JCAD: variants seen among roughly 807,000 people sequenced by gnomAD.
JCAD encodes junctional cadherin 5 associated.
In JCAD, 40 loss-of-function variants were observed where a neutral mutation model predicts 98.0. That is an observed-to-expected ratio of 0.41 (90% confidence interval 0.32 to 0.53). The LOEUF (loss-of-function observed/expected upper bound fraction) is 0.53. Among genes scored for constraint, JCAD ranks in the 20% least tolerant of loss-of-function variants. The probability of loss-of-function intolerance (pLI) is 0.31; values close to 1 mark genes in which losing one functional copy is unlikely to be tolerated. For missense variants in JCAD, 1,705 were observed against 1,738.1 expected, an observed-to-expected ratio of 0.98 and a Z score of 0.34; for synonymous variants, 691 against 682.3, an observed-to-expected ratio of 1.01 and a Z score of -0.20.
At chr10:30,081,492 C>T (rs966680976) in intron 1 of JCAD, among the ~76,000 whole-genome samples, 40 of 152,264 alleles carry the variant, frequency 2.6e-4, no homozygotes, top group African/African-American at 8.7e-4. Context: ...AGTGCAGTGG[C>T]GTGATCTATG....
At chr10:30,110,269 C>A (rs1007021269) in intron 1 of JCAD, among the ~76,000 whole-genome samples, 2 of 151,700 alleles carry the variant, frequency 1.3e-5, no homozygotes, top group African/African-American at 4.8e-5. Context: ...AGGTATGGGC[C>A]AGCTGATGTA....
At chr10:30,076,356 G>A (rs1431451681) in intron 1 of JCAD, among the ~76,000 whole-genome samples, 15 of 152,118 alleles carry the variant, frequency 9.9e-5, no homozygotes, top group Admixed American at 8.5e-4. Context: ...TTTAGTACCC[G>A]TACAGAAATC....
intron 1 of JCAD, among the ~76,000 whole-genome samples, chr10:30,090,270 G>A (rs1334684015): frequency 1.3e-5 from 2 of 152,184 alleles, no homozygotes; most frequent in African/African-American, 2.4e-5. Context: ...GGCCAGTTGC[G>A]GAGGCTCACG....
At chr10:30,023,471 G>C (rs1161029571) in intron 3 of JCAD, among the ~76,000 whole-genome samples, 4 of 152,188 alleles carry the variant, frequency 2.6e-5, no homozygotes, top group Non-Finnish European at 4.4e-5. Context: ...TGAAGACTAG[G>C]TGTGTAGTAG....
chr10:30,056,963 A>G (rs1437113015), intron 1 of JCAD, among the ~76,000 whole-genome samples: 2 of 152,198 alleles, frequency 1.3e-5, no homozygotes, highest in African/African-American at 4.8e-5. Flanking sequence ...CCCTTGAAAC[A>G]AAGCACAAGA....
chr10:30,064,860 C>T (rs569375299), intron 2 of JCAD, among the ~76,000 whole-genome samples: 2 of 152,088 alleles, frequency 1.3e-5, no homozygotes, highest in African/African-American at 2.4e-5. Context: ...TTAGTAAAGA[C>T]GGGGTTTCAC....
In JCAD at chr10:30,026,810, T is replaced by A; in HGVS notation, c.3338A>T (p.Glu1113Val). 1 of 1,614,040 alleles carries A rather than the reference T, an allele frequency of 6.2e-7. No individual in the cohort carries two copies. Among genetic ancestry groups the A allele is most frequent in the Non-Finnish European group, 8.5e-7 (1 of 1,180,030 alleles). ...TGGGGTGCAGGCACTTGCATCGGGC[T>A]CAGCAGGCTGGTTCTGTCCCGCTCT... Reference protein sequence around the residue: ...IRRAGQNQPAEPDASACTPES... With the variant: ...IRRAGQNQPAVPDASACTPES... Residue 1113 changes from glutamate (E) to valine (V), a missense_variant, in exon 3 of 4, where the codon GAG (glutamate) becomes GTG (valine). This residue lies in a region of JCAD where 1,278 missense variants were observed against 1,243.1 expected (regional missense o/e 1.03). Coordinates refer to ENST00000375377, the MANE Select transcript of JCAD (RefSeq NM_020848.4).
rs1406224299 is a variant in JCAD at position 30,013,150 on chromosome 10, A to G, written c.*4733T>C. On this transcript the variant is annotated 3_prime_UTR_variant, in exon 4 of 4. Coordinates refer to ENST00000375377, the MANE Select transcript of JCAD (RefSeq NM_020848.4). ...CCCAAAGAAAAAATGAAGAGATGAA[A>G]GTTTCTGTGGTTAGCTGGGCATGGT... 2.0e-5 allele frequency: 3 copies of G among 152,112 alleles called. No individual in the cohort carries two copies. The highest frequency in any genetic ancestry group is 7.2e-5 in the African/African-American group (3 of 41,392). The allele number at this position is 152,112 out of a possible 1,614,324, so 9.4% of individuals were successfully genotyped here. A position where few individuals can be genotyped will look rare whatever the true frequency, so the allele number is the denominator to read the frequency against.
chr10:30,086,803 A>T (rs1447084930), intron 1 of JCAD, among the ~76,000 whole-genome samples: 3 of 152,270 alleles, frequency 2.0e-5, no homozygotes, highest in Non-Finnish European at 2.9e-5. Flanking sequence ...TAAATAAAGA[A>T]GTTAGATCAG....
intron 1 of JCAD, among the ~76,000 whole-genome samples, chr10:30,090,567 G>T (rs1270584179): frequency 1.3e-5 from 2 of 150,684 alleles, no homozygotes; most frequent in Non-Finnish European, 1.5e-5. Flanking sequence ...GGAGAGGAGA[G>T]GGGAGGGGAG....
chr10:30,039,835 G>A (rs923718722), intron 2 of JCAD, among the ~76,000 whole-genome samples: 2 of 151,808 alleles, frequency 1.3e-5, no homozygotes, highest in Non-Finnish European at 2.9e-5. Context: ...TGTCGGCAGC[G>A]TCCTTAACTG....
chr10:30,087,747 A>G (rs1447347021), intron 1 of JCAD, among the ~76,000 whole-genome samples: 1 of 152,262 alleles, frequency 6.6e-6, no homozygotes, highest in Non-Finnish European at 1.5e-5. Flanking sequence ...GAATGTGGGA[A>G]GAGAAAAAGC....
chr10:30,037,795 G>C (rs995019828), intron 2 of JCAD, among the ~76,000 whole-genome samples: 1 of 152,166 alleles, frequency 6.6e-6, no homozygotes, highest in African/African-American at 2.4e-5. Flanking sequence ...AGGAAATTAA[G>C]TAGGAGGCAT....
chr10:30,043,043 T>A (rs528462233), intron 2 of JCAD, among the ~76,000 whole-genome samples: 233 of 152,366 alleles, frequency 1.5e-3, no homozygotes, highest in African/African-American at 5.2e-3. Flanking sequence ...AAACTATGTA[T>A]GAAGGAGAAC....
rs973922197 is a variant in JCAD at position 30,059,310 on chromosome 10, C to A, written c.-60+172G>T. Among the ~76,000 whole-genome samples the A allele has an allele frequency of 6.6e-6, 1 of 151,244 alleles. No individual in the cohort carries two copies. The highest frequency in any genetic ancestry group is 1.5e-5 in the Non-Finnish European group (1 of 67,680). The stretch of plus-strand genomic sequence containing the variant: ...CACCGCGCGGGGGGCCCAGGCGGGG[C>A]TGCGACTGGGGGTGCAGACATCCCC... On this transcript the variant is annotated intron_variant, in intron 1 of 3. Coordinates refer to ENST00000375377, the MANE Select transcript of JCAD (RefSeq NM_020848.4). The surrounding 1 kb of genome is among the most constrained non-coding windows in gnomAD (Gnocchi z 5.0).
In JCAD at chr10:30,036,192, C is replaced by T. The variant is rs1024275217; in HGVS notation, c.282-6326G>A. ...GGCACAGTGGCTCACGCCTATAATC[C>T]CAGCACTTTGGGAGGCTGAGGCGGA... On this transcript the variant is annotated intron_variant, in intron 2 of 3. Transcript: ENST00000375377. 2.0e-5 allele frequency among the ~76,000 whole-genome samples: 3 copies of T among 152,160 alleles called. No homozygotes were observed. In the South Asian group the frequency reaches 6.2e-4, roughly 32 times the overall value.
At chr10:30,097,748 T>A (rs1261560942) in intron 1 of JCAD, among the ~76,000 whole-genome samples, 1 of 151,724 alleles carries the variant, frequency 6.6e-6, no homozygotes, top group South Asian at 2.1e-4. Flanking sequence ...GGGCGACAGA[T>A]GGAAACTCCG....
intron 1 of JCAD, among the ~76,000 whole-genome samples, chr10:30,088,053 A>G (rs547486890): frequency 2.6e-4 from 40 of 152,306 alleles, no homozygotes; most frequent in Non-Finnish European, 4.7e-4. Context: ...GTTGGCTAGA[A>G]TGGTCTTGAT....
chr10:30,113,649 C>G (rs1838744742), intron 1 of JCAD, among the ~76,000 whole-genome samples: 1 of 151,248 alleles, frequency 6.6e-6, no homozygotes, highest in African/African-American at 2.4e-5. Flanking sequence ...GAACCTGGCT[C>G]CACCCTCCTC....
Sources: allele counts gnomAD v4.1 joint callset (sites outside exome capture counted in the v4.1 genomes callset), GRCh38; gene constraint gnomAD v4.1.1; regional missense constraint gnomAD v4.1.1; non-coding constraint Gnocchi (gnomAD v3.1); transcripts MANE v1.5; gene names NCBI Gene and HGNC (gene_info 2026-07-23, HGNC 2026-07-21).